FAT3: variants seen among roughly 807,000 people sequenced by gnomAD.
FAT3 encodes the protein protocadherin Fat 3.
In FAT3, 95 loss-of-function variants were observed where a neutral mutation model predicts 310.2. That is an observed-to-expected ratio of 0.31 (90% CI 0.26 to 0.36). The LOEUF is 0.36. FAT3 is among the 10% of genes least tolerant of loss of function. The pLI, the probability that FAT3 is intolerant of heterozygous loss-of-function variation, is 1.00. For missense variants in FAT3, 5,408 were observed against 5,715.6 expected (o/e 0.95, Z 1.74); for synonymous variants, 2,314 against 2,192.9 (o/e 1.06, Z -1.54).
At chr11:92,433,159 A>G (rs1950835914) in intron 2 of FAT3, among the ~76,000 whole-genome samples, 1 of 152,130 alleles carries the variant, frequency 6.6e-6, no homozygotes, top group African/African-American at 2.4e-5. Flanking sequence ...AGTGGATCTT[A>G]GTTTGTTGGC....
intron 4 of FAT3, among the ~76,000 whole-genome samples, chr11:92,710,316 T>G (rs1398146947): frequency 6.6e-6 from 1 of 152,156 alleles, no homozygotes; most frequent in Non-Finnish European, 1.5e-5. Context: ...TTTGATCCCA[T>G]AGGATACCAA....
chr11:92,765,057 C>T lies in FAT3; in HGVS notation c.4163C>T (p.Pro1388Leu). 1.2e-6 allele frequency: 2 copies of T among 1,613,076 alleles called. No individual in the cohort carries two copies. The highest frequency in any genetic ancestry group is 1.7e-6 in the Non-Finnish European group (2 of 1,179,718). ...ATTGTAGGGGTGGTGTCTGTGCAGCCAGCTAACACCCCTCTGTGGTTTGAC... is the reference window on the plus strand; with the variant it reads ...ATTGTAGGGGTGGTGTCTGTGCAGCTAGCTAACACCCCTCTGTGGTTTGAC... Reference protein sequence around the residue: ...TEIVGVVSVQPANTPLWFDIV... With the variant: ...TEIVGVVSVQLANTPLWFDIV... The change falls in exon 6 of 28, where the codon CCA becomes CTA. Residue 1388 changes from proline to leucine, a missense_variant. Physicochemically the swap from Pro to Leu is moderately conservative, Grantham distance 98. Coordinates refer to ENST00000525166, the MANE Select transcript of FAT3 (RefSeq NM_001367949.2).
At chr11:92,537,962 TA>T (rs1208999625) in intron 3 of FAT3, among the ~76,000 whole-genome samples, 1 of 152,112 alleles carries the variant, frequency 6.6e-6, no homozygotes, top group African/African-American at 2.4e-5. Context: ...TTTATCTTTA[TA>T]AGTCATGTTA....
intron 2 of FAT3, among the ~76,000 whole-genome samples, chr11:92,411,161 A>ATAAT: frequency 7.0e-6 from 1 of 142,806 alleles, no homozygotes; most frequent in African/African-American, 2.6e-5. Context: ...ATATATATAT[A>ATAAT]ATATATATAT....
chr11:92,800,281 G>A lies in FAT3; in HGVS notation c.7268G>A (p.Ser2423Asn). 2.5e-6 allele frequency: 4 copies of A among 1,613,882 alleles called. No homozygotes were observed. Among genetic ancestry groups the A allele is most frequent in the Non-Finnish European group, 3.4e-6 (4 of 1,179,782 alleles). The part of the protein sequence containing the change: ...VTCVQASDAD[S>N]SDFDRLEYSI... ...TGTGTACAAGCCTCTGATGCAGACA[G>A]CTCTGATTTTGACCGGTTGGAATAT... Residue 2423 changes from serine (S) to asparagine (N), a missense_variant, in exon 10 of 28, where the codon AGC becomes AAC. Physicochemically the swap from Ser to Asn is conservative, Grantham distance 46. Around this residue, in one of 5 missense-constraint regions of FAT3, gnomAD observed 4,588 missense variants for 4,809.8 expected, o/e 0.95. Coordinates refer to ENST00000525166, the MANE Select transcript of FAT3 (RefSeq NM_001367949.2).
At position 92,320,002 on chromosome 11, in the gene FAT3, G is replaced by T. The variant is rs117495297; in HGVS notation, c.-17-32094G>T. Among the ~76,000 whole-genome samples the T allele has an allele frequency of 1.0e-3, 157 of 152,282 alleles. 1 individual carries two copies. Among genetic ancestry groups the T allele is most frequent in the Non-Finnish European group, 1.9e-3 (127 of 68,024 alleles). On this transcript the variant is annotated intron_variant, in intron 1 of 27. Transcript: ENST00000525166. The stretch of plus-strand genomic sequence containing the variant: ...CATGCTTCTCCCAAAACTTTAATTT[G>T]CTAGTGTGCATTGTGACACTCCAGG...
intron 1 of FAT3, among the ~76,000 whole-genome samples, chr11:92,278,301 G>T (rs530439498): frequency 6.6e-6 from 1 of 152,118 alleles, no homozygotes; most frequent in Non-Finnish European, 1.5e-5. Context: ...TATCTCATTA[G>T]GGTTTGCTCC....
At chr11:92,317,947 GA>G (rs775588357) in intron 1 of FAT3, among the ~76,000 whole-genome samples, 14 of 152,338 alleles carry the variant, frequency 9.2e-5, no homozygotes, top group Middle Eastern at 3.4e-3. Context: ...ACAGTGACAG[GA>G]GGGAGTTATT....
At chr11:92,397,605 T>C (rs1274325349) in intron 2 of FAT3, among the ~76,000 whole-genome samples, 1 of 152,140 alleles carries the variant, frequency 6.6e-6, no homozygotes, top group East Asian at 1.9e-4. Context: ...AATGGACTCA[T>C]AGCAAGTCTC....
chr11:92,645,490 G>GAAA (rs10655127), intron 3 of FAT3, among the ~76,000 whole-genome samples: 4,366 of 140,656 alleles, frequency 0.031, 208 homozygotes, highest in African/African-American at 0.099. Flanking sequence ...CTGCTTTTCA[G>GAAA]AAAAAAAAAA....
chr11:92,760,016 A>G (rs528602888), intron 4 of FAT3, among the ~76,000 whole-genome samples: 1 of 152,264 alleles, frequency 6.6e-6, no homozygotes, highest in Admixed American at 6.5e-5. Flanking sequence ...TTTGGTCAAC[A>G]CAGGTCACCT....
At chr11:92,467,110 T>G (rs1353991315) in intron 2 of FAT3, among the ~76,000 whole-genome samples, 1 of 152,132 alleles carries the variant, frequency 6.6e-6, no homozygotes, top group Non-Finnish European at 1.5e-5. Context: ...ATGGGATGGC[T>G]GGGTCAAATG....
chr11:92,323,816 T>C (rs1357541301), intron 1 of FAT3, among the ~76,000 whole-genome samples: 1 of 152,228 alleles, frequency 6.6e-6, no homozygotes, highest in Non-Finnish European at 1.5e-5. Flanking sequence ...AGTTAGCTTG[T>C]CTTTTGAAGC....
rs1327873273 is a variant in FAT3 at position 92,891,599 on chromosome 11, T to G, written c.*486T>G. On this transcript the variant is annotated 3_prime_UTR_variant, in exon 28 of 28. Coordinates refer to ENST00000525166, the MANE Select transcript of FAT3 (RefSeq NM_001367949.2). ...GGCGAAAGAGAAGAGAAACAAATAT[T>G]ATTAAACAAACCAGAAAATGGGCTG... 6.1e-6 allele frequency: 1 copy of G among 163,240 alleles called. No individual in the cohort carries two copies. The highest frequency in any genetic ancestry group is 1.4e-5 in the Non-Finnish European group (1 of 73,218). 10.1% of individuals were successfully genotyped at this position (163,240 alleles called of 1,614,324 possible). A position where few individuals can be genotyped will look rare whatever the true frequency, so the allele number is the denominator to read the frequency against.
chr11:92,842,047 A>G (rs749416885), intron 18 of FAT3, among the ~76,000 whole-genome samples: 1 of 152,174 alleles, frequency 6.6e-6, no homozygotes, highest in Non-Finnish European at 1.5e-5. Context: ...TTTTACTGGC[A>G]CACAGCCTCC....
chr11:92,487,122 G>A (rs1952435918), intron 2 of FAT3, among the ~76,000 whole-genome samples: 1 of 152,142 alleles, frequency 6.6e-6, no homozygotes. Context: ...TCGTTTAGAA[G>A]CAATCCTGAG....
At chr11:92,294,941 TG>T (rs1421558622) in intron 1 of FAT3, among the ~76,000 whole-genome samples, 14 of 152,254 alleles carry the variant, frequency 9.2e-5, no homozygotes. Context: ...CAATCCCTAC[TG>T]ATGTATCCTA....
chr11:92,237,490 C>A (rs1390117793), intron 1 of FAT3, among the ~76,000 whole-genome samples: 1 of 151,930 alleles, frequency 6.6e-6, no homozygotes, highest in Non-Finnish European at 1.5e-5. Context: ...TATTAATATC[C>A]CTGATGAGAA....
At chr11:92,756,543 C>A (rs1377860197) in intron 4 of FAT3, among the ~76,000 whole-genome samples, 1 of 152,134 alleles carries the variant, frequency 6.6e-6, no homozygotes, top group East Asian at 1.9e-4. Flanking sequence ...AAGGAAAATG[C>A]CAGAGTTTAA....
Sources: allele counts gnomAD v4.1 joint callset (sites outside exome capture counted in the v4.1 genomes callset), GRCh38; gene constraint gnomAD v4.1.1; regional missense constraint gnomAD v4.1.1; transcripts MANE v1.5; gene names NCBI Gene and HGNC (gene_info 2026-07-23, HGNC 2026-07-21).